The following NTM variants were observed in gnomAD, a reference collection of about 807,000 sequenced individuals.
NTM encodes IgLON family member 2.
NTM carries 13 observed loss-of-function variants against 42.1 expected under a neutral mutation model. The observed-to-expected ratio is 0.31, with a 90% CI of 0.20 to 0.49. NTM has a LOEUF of 0.49. NTM is among the 20% of genes least tolerant of loss of function. The pLI, the probability that NTM is intolerant of heterozygous loss-of-function variation, is 0.99. For synonymous variants in NTM, 187 were observed against 179.2 expected (o/e 1.04, Z -0.35); for missense variants, 373 against 452.8 (o/e 0.82, Z 1.60).
chr11:131,554,545 CAAA>C (rs1178033877), intron 1 of NTM, among the ~76,000 whole-genome samples: 19 of 106,962 alleles, frequency 1.8e-4, no homozygotes, highest in African/African-American at 4.9e-4. Context: ...CACACATCTA[CAAA>C]AAAAAAAAAA....
At chr11:131,479,356 G>T (rs1279184511) in intron 1 of NTM, among the ~76,000 whole-genome samples, 2 of 152,204 alleles carry the variant, frequency 1.3e-5, no homozygotes, top group East Asian at 3.9e-4. Flanking sequence ...TAAAATTTGA[G>T]AAGGGTGGGA....
rs114117039 is a variant in NTM at position 132,238,175 on chromosome 11, G to C, written c.526+26028G>C. ...CACTCTTTTTGATATACCCTTAATC[G>C]GCGAGGATGGGAGACATCCTTTGAG... On this transcript the variant is annotated intron_variant, in intron 4 of 8. Coordinates refer to ENST00000683400, the MANE Select transcript of NTM (RefSeq NM_001352005.2). Among the ~76,000 whole-genome samples the C allele has an allele frequency of 1.1e-4, 17 of 151,990 alleles. No individual in the cohort carries two copies. The East Asian group carries it at 1.7e-3, about 16-fold the overall frequency.
chr11:131,965,042 G>A (rs190096581), intron 2 of NTM, among the ~76,000 whole-genome samples: 134 of 152,216 alleles, frequency 8.8e-4, no homozygotes, highest in African/African-American at 3.1e-3. Flanking sequence ...GGAACCTGGG[G>A]AAGAAAAGGG....
chr11:132,130,057 G>A (rs1228061800), intron 2 of NTM, among the ~76,000 whole-genome samples: 1 of 152,224 alleles, frequency 6.6e-6, no homozygotes, highest in African/African-American at 2.4e-5. Context: ...TTAATTAGAA[G>A]AATTCAATTC....
At chr11:131,908,556 C>G (rs970041988) in intron 1 of NTM, among the ~76,000 whole-genome samples, 2 of 152,180 alleles carry the variant, frequency 1.3e-5, no homozygotes, top group African/African-American at 4.8e-5. Context: ...CCATGACTAG[C>G]ATTTGTTTCC....
chr11:131,378,041 T>A (rs745957277), intron 1 of NTM, among the ~76,000 whole-genome samples: 2 of 152,232 alleles, frequency 1.3e-5, no homozygotes, highest in Non-Finnish European at 1.5e-5. Flanking sequence ...AGCCAGTGGT[T>A]TGCAAACTTG....
chr11:132,210,491 A>G (rs945927069), intron 3 of NTM, among the ~76,000 whole-genome samples: 1 of 152,200 alleles, frequency 6.6e-6, no homozygotes, highest in Non-Finnish European at 1.5e-5. Context: ...CAGAAAGCTC[A>G]TGGCCTAGTG....
intron 1 of NTM, among the ~76,000 whole-genome samples, chr11:131,669,595 A>AGCAATTCAGCGGTGGG (rs2069744942): frequency 1.3e-5 from 2 of 152,258 alleles, no homozygotes; most frequent in East Asian, 3.9e-4. Flanking sequence ...AACGTCACTC[A>AGCAATTCAGCGGTGGG]GCAATTCAGC....
intron 1 of NTM, among the ~76,000 whole-genome samples, chr11:131,843,680 T>C (rs1162240440): frequency 6.6e-6 from 1 of 152,258 alleles, no homozygotes; most frequent in African/African-American, 2.4e-5. Context: ...TTTGCCAGTT[T>C]AAAATCTCAC....
At chr11:131,649,631 A>G (rs1220702662) in intron 1 of NTM, among the ~76,000 whole-genome samples, 1 of 152,166 alleles carries the variant, frequency 6.6e-6, no homozygotes, top group African/African-American at 2.4e-5. Context: ...TTCAGCAGAA[A>G]CACCGTAGAT....
chr11:131,975,825 G>C (rs1056211027), intron 2 of NTM, among the ~76,000 whole-genome samples: 1 of 151,998 alleles, frequency 6.6e-6, no homozygotes, highest in African/African-American at 2.4e-5. Flanking sequence ...TTCAATCTCT[G>C]GTCATCAGGA....
intron 1 of NTM, among the ~76,000 whole-genome samples, chr11:131,582,831 C>T (rs957353425): frequency 1.3e-4 from 20 of 151,998 alleles, no homozygotes; most frequent in Non-Finnish European, 2.6e-4. Context: ...GATTTACTGG[C>T]GTTTGGGGTA....
chr11:131,669,532 A>C (rs547518015), intron 1 of NTM, among the ~76,000 whole-genome samples: 1 of 152,288 alleles, frequency 6.6e-6, no homozygotes, highest in Admixed American at 6.5e-5. Flanking sequence ...TGTTAGGGGC[A>C]TGTTAGGGGC....
chr11:131,889,243 CCAAA>C (rs1329450672), intron 1 of NTM, among the ~76,000 whole-genome samples: 2 of 152,184 alleles, frequency 1.3e-5, no homozygotes, highest in African/African-American at 4.8e-5. Flanking sequence ...TCCATGCAAA[CCAAA>C]CAAAGGAGCA....
Position 132,085,377 on chromosome 11 carries a change from G to T in NTM, c.168-60905G>T, listed in dbSNP as rs151334242. ...TTTACTCCTTCTTGCATGGTGAAGG[G>T]TGTGGTTAATTCCATATATCCCCAG... is the stretch of plus-strand genomic sequence containing the variant. On this transcript the variant is annotated intron_variant, in intron 2 of 8. Transcript: ENST00000683400. 6.0e-4 allele frequency among the ~76,000 whole-genome samples: 91 copies of T among 152,284 alleles called. 1 individual carries two copies. The East Asian group carries it at 0.015, about 25-fold the overall frequency.
chr11:131,765,746 C>T (rs1374680524), intron 1 of NTM, among the ~76,000 whole-genome samples: 1 of 152,208 alleles, frequency 6.6e-6, no homozygotes, highest in African/African-American at 2.4e-5. Flanking sequence ...TGCAGCAAAG[C>T]AGACACTCAG....
chr11:131,602,357 T>C (rs1040194422), intron 1 of NTM, among the ~76,000 whole-genome samples: 2 of 152,226 alleles, frequency 1.3e-5, no homozygotes, highest in East Asian at 1.9e-4. Flanking sequence ...GAGCCTGGTC[T>C]GGGTGGTTAA....
intron 1 of NTM, among the ~76,000 whole-genome samples, chr11:131,698,010 C>A (rs559906899): frequency 2.2e-4 from 34 of 152,276 alleles, no homozygotes; most frequent in African/African-American, 7.9e-4. Flanking sequence ...ATCTGAATCC[C>A]AAATTCACCT....
intron 4 of NTM, among the ~76,000 whole-genome samples, chr11:132,229,347 C>T (rs1219868860): frequency 6.6e-6 from 1 of 152,182 alleles, no homozygotes; most frequent in Admixed American, 6.5e-5. Flanking sequence ...AAGACTTAAC[C>T]AGGCAACCTG....
Sources: allele counts gnomAD v4.1 joint callset (sites outside exome capture counted in the v4.1 genomes callset), GRCh38; gene constraint gnomAD v4.1.1; transcripts MANE v1.5; gene names NCBI Gene and HGNC (gene_info 2026-07-23, HGNC 2026-07-21).